Variants in ZNF91 observed in about 807,000 individuals in gnomAD.
ZNF91 encodes zinc finger protein 91 (HPF7, HTF10).
A neutral mutation model predicts 12.6 loss-of-function variants in ZNF91; 7 were observed. The ratio of observed to expected loss-of-function variants is 0.55; its 90% confidence interval spans 0.31 to 1.04. ZNF91 has a LOEUF of 1.04. ZNF91 is among the 50% of genes least tolerant of loss of function. ZNF91 has a pLI of 0.05. For synonymous variants in ZNF91, 453 were observed against 462.6 expected (o/e 0.98, Z 0.27); for missense variants, 1,217 against 1,385.4 (o/e 0.88, Z 1.93).
intron 3 of ZNF91, among the ~76,000 whole-genome samples, chr19:23,367,277 G>A (rs1163769907): frequency 2.8e-4 from 43 of 152,174 alleles, no homozygotes; most frequent in Admixed American, 2.8e-3. Flanking sequence ...GGGTGACAGA[G>A]TAAGATCCTG....
chr19:23,349,624 C>T (rs1415190859), intron 3 of ZNF91, among the ~76,000 whole-genome samples: 2 of 152,148 alleles, frequency 1.3e-5, no homozygotes, highest in Non-Finnish European at 2.9e-5. Context: ...ATGTGTTTAT[C>T]TGCCAACCCG....
downstream of ZNF91, chr19:23,338,201 A>G (rs563529879): frequency 6.6e-6 from 1 of 152,318 alleles, no homozygotes; most frequent in Admixed American, 6.5e-5. Context: ...CAGACATCAT[A>G]ATGGCACATG....
intron 1 of ZNF91, among the ~76,000 whole-genome samples, chr19:23,389,006 G>C (rs1239808365): frequency 6.6e-6 from 1 of 152,170 alleles, no homozygotes; most frequent in Non-Finnish European, 1.5e-5. Context: ...TGAGGGTGGA[G>C]GGTGGCAGGA....
chr19:23,387,838 G>C (rs879672158), intron 1 of ZNF91, among the ~76,000 whole-genome samples: 4 of 151,396 alleles, frequency 2.6e-5, no homozygotes, highest in Non-Finnish European at 5.9e-5. Context: ...AGCTACTCAG[G>C]AGGCTGAGAC....
At chr19:23,372,295 T>C (rs1003726588) in intron 3 of ZNF91, among the ~76,000 whole-genome samples, 1 of 152,110 alleles carries the variant, frequency 6.6e-6, no homozygotes, top group Non-Finnish European at 1.5e-5. Flanking sequence ...CTGACAAAAA[T>C]GCGTTTGTGA....
At chr19:23,354,219 AAACATGTCGAAAAGAATATCCAAC>A (rs1283428324), downstream of ZNF91, among the ~76,000 whole-genome samples, 1 of 152,120 alleles carries the variant, frequency 6.6e-6, no homozygotes, top group Non-Finnish European at 1.5e-5. Context: ...CAATATCCAA[AAACATGTCGAAAAGAATATCCAAC>A]AACATGTCGA....
chr19:23,344,649 G>A (rs1968184711), intron 3 of ZNF91, among the ~76,000 whole-genome samples: 1 of 152,156 alleles, frequency 6.6e-6, no homozygotes, highest in South Asian at 2.1e-4. Flanking sequence ...GAAGCATTCA[G>A]ATGGAACCTA....
At chr19:23,323,538 CTT>C (rs1230994514) in intron 1 of ZNF91, among the ~76,000 whole-genome samples, 3 of 143,282 alleles carry the variant, frequency 2.1e-5, no homozygotes, top group African/African-American at 5.3e-5. Context: ...CCTCCTTTTC[CTT>C]TTTCTCTCCT....
At chr19:23,344,490 T>G (rs1162473614) in intron 3 of ZNF91, among the ~76,000 whole-genome samples, 1 of 152,236 alleles carries the variant, frequency 6.6e-6, no homozygotes, top group Non-Finnish European at 1.5e-5. Context: ...TTTCTAGCAG[T>G]CTATTTAAAT....
chr19:23,360,330 C>CT lies in ZNF91; in HGVS notation c.2648dup (p.Ser884GlufsTer2). The CT allele has an allele frequency of 6.2e-7, 1 of 1,612,600 alleles. No homozygotes were observed. The highest frequency in any genetic ancestry group is 1.1e-5 in the South Asian group (1 of 90,962). ...TAAATGCTTTGTCACATTCTTCACT[C>CT]TTGGAAGGTTTCTCTTTAGTATGAA... is the stretch of plus-strand genomic sequence containing the variant. On this transcript the variant is annotated frameshift_variant, in exon 4 of 4. Coordinates refer to ENST00000300619, the MANE Select transcript of ZNF91 (RefSeq NM_003430.4). LOFTEE classifies it low-confidence loss of function (END_TRUNC).
At chr19:23,350,995 G>A (rs1291656159) in intron 3 of ZNF91, among the ~76,000 whole-genome samples, 2 of 152,048 alleles carry the variant, frequency 1.3e-5, no homozygotes, top group Admixed American at 1.3e-4. Flanking sequence ...TAAGAGCCTT[G>A]CAATCCGCAC....
rs199502898 is a variant in ZNF91 at position 23,380,266 on chromosome 19, C to CAAAAAAAAAAAAAAAAAA, written c.31-5520_31-5503dup. 5 of 52,728 alleles carry CAAAAAAAAAAAAAAAAAA rather than the reference C, an allele frequency of 9.5e-5. 1 individual carries two copies. The highest frequency in any genetic ancestry group is 2.3e-4 in the African/African-American group (4 of 17,412). The allele number at this position is 52,728 out of a possible 1,614,324, so 3.3% of individuals were successfully genotyped here. ...TGGGCAATGGGGGGAAAATCCGTCT[C>CAAAAAAAAAAAAAAAAAA]AAAAAAAAAAAAAAAAAAAAAAAAA... On this transcript the variant is annotated intron_variant, in intron 1 of 3. Transcript: ENST00000300619.
intron 3 of ZNF91, among the ~76,000 whole-genome samples, chr19:23,372,484 G>A (rs1329450873): frequency 6.6e-6 from 1 of 151,680 alleles, no homozygotes; most frequent in East Asian, 1.9e-4. Flanking sequence ...AAACTCTGCT[G>A]AAGCCCAAGA....
At chr19:23,365,297 CA>C (rs59288286) in intron 3 of ZNF91, among the ~76,000 whole-genome samples, 7,071 of 135,976 alleles carry the variant, frequency 0.052, 457 homozygotes, top group East Asian at 0.25. Context: ...CACAGTTCTA[CA>C]AAAAAAAAAA....
chr19:23,356,837 T>C (rs1228907523), downstream of ZNF91, among the ~76,000 whole-genome samples: 2 of 152,226 alleles, frequency 1.3e-5, no homozygotes, highest in Non-Finnish European at 2.9e-5. Flanking sequence ...CTCATGCCTG[T>C]AATCCCAGCA....
At chr19:23,317,579 T>C (rs544955531) in intron 1 of ZNF91, among the ~76,000 whole-genome samples, 1 of 152,312 alleles carries the variant, frequency 6.6e-6, no homozygotes, top group South Asian at 2.1e-4. Flanking sequence ...GACTCTTGTA[T>C]GCACATCCAG....
Position 23,374,747 on chromosome 19 carries a change from C to A in ZNF91, c.48G>T (p.Arg16Ser), listed in dbSNP as rs754846614. 1 of 1,611,474 alleles carries A rather than the reference C, an allele frequency of 6.2e-7. No homozygotes were observed. Among genetic ancestry groups the A allele is most frequent in the Non-Finnish European group, 8.5e-7 (1 of 1,178,646 alleles). The change falls in exon 2 of 4, where the codon AGG becomes AGT. Residue 16 changes from arginine to serine, a missense_variant. Physicochemically the swap from Arg to Ser is moderately radical, Grantham distance 110. Around this residue, in one of 2 missense-constraint regions of ZNF91, gnomAD observed 726 missense variants for 895.5 expected, o/e 0.81. Coordinates refer to ENST00000300619, the MANE Select transcript of ZNF91 (RefSeq NM_003430.4). ...CCGGAGAGAATTCTATGGCCACATC[C>A]CTAAATGTCAACAGTCCCTGAAAAA... ...GSLEMGLLTFRDVAIEFSPEE... is the reference protein window; with the variant it reads ...GSLEMGLLTFSDVAIEFSPEE...
chr19:23,305,687 CAGTT>C (rs1967388213), intron 3 of ZNF91, among the ~76,000 whole-genome samples: 1 of 152,336 alleles, frequency 6.6e-6, no homozygotes, highest in South Asian at 2.1e-4. Flanking sequence ...ATTTCAATGT[CAGTT>C]AGCTCAGCCC....
intron 3 of ZNF91, among the ~76,000 whole-genome samples, chr19:23,366,979 A>AC (rs1969042340): frequency 6.6e-6 from 1 of 152,258 alleles, no homozygotes; most frequent in African/African-American, 2.4e-5. Flanking sequence ...CTGTTACGAC[A>AC]CATACTAAGT....
Sources: gnomAD v4.1 joint callset for allele counts (sites outside exome capture counted in the v4.1 genomes callset) on GRCh38, gnomAD v4.1.1 for gene constraint, gnomAD v4.1.1 regional missense constraint, MANE v1.5 for transcripts, NCBI Gene and HGNC (gene_info 2026-07-23, HGNC 2026-07-21) for gene names.